Variants in EFL1 observed in about 807,000 individuals in gnomAD.
EFL1 encodes elongation factor-like GTPase 1.
A neutral mutation model predicts 126.7 loss-of-function variants in EFL1; 76 were observed. The observed-to-expected ratio is 0.60, with a 90% CI of 0.50 to 0.73. The LOEUF is 0.73. EFL1 is among the 30% of genes least tolerant of loss of function. The pLI is 0.00. For synonymous variants in EFL1, 410 were observed against 448.4 expected, an observed-to-expected ratio of 0.91 and a Z score of 1.08; for missense variants, 1,128 against 1,343.2, an observed-to-expected ratio of 0.84 and a Z score of 2.50.
At position 82,239,217 on chromosome 15, in the gene EFL1, C is replaced by T. The variant is rs543438679; in HGVS notation, c.517-696G>A. Reference sequence around the variant, plus strand: ...AGTGGCGTGATCTTGGCTCACCACACGCTCTGCCTCCCGGGTTCACACCAT... The same window carrying T: ...AGTGGCGTGATCTTGGCTCACCACATGCTCTGCCTCCCGGGTTCACACCAT... On this transcript the variant is annotated intron_variant, in intron 6 of 19. Coordinates refer to ENST00000268206, the MANE Select transcript of EFL1 (RefSeq NM_024580.6). 4.3e-3 allele frequency among the ~76,000 whole-genome samples: 651 copies of T among 152,172 alleles called. 4 individuals are homozygous for T. The highest frequency in any genetic ancestry group is 6.8e-3 in the Middle Eastern group (2 of 294).
At chr15:82,237,058 G>T (rs564023359) in intron 7 of EFL1, among the ~76,000 whole-genome samples, 1 of 152,136 alleles carries the variant, frequency 6.6e-6, no homozygotes, top group Admixed American at 6.5e-5. Flanking sequence ...CAGGAGAATC[G>T]CTTGAACCTG....
intron 17 of EFL1, among the ~76,000 whole-genome samples, chr15:82,154,694 C>T (rs2141231986): frequency 6.6e-6 from 1 of 152,180 alleles, no homozygotes; most frequent in African/African-American, 2.4e-5. Context: ...ATTGTAATAG[C>T]CTCCATTTTT....
chr15:82,226,559 G>A (rs1595995086), intron 11 of EFL1, among the ~76,000 whole-genome samples: 1 of 152,170 alleles, frequency 6.6e-6, no homozygotes, highest in Non-Finnish European at 1.5e-5. Flanking sequence ...GAATGACTAG[G>A]TGAGCAGGCT....
intron 15 of EFL1, among the ~76,000 whole-genome samples, chr15:82,206,173 T>G (rs543959069): frequency 1.3e-5 from 2 of 152,202 alleles, no homozygotes; most frequent in East Asian, 3.9e-4. Flanking sequence ...CAAATTATAC[T>G]AAGATTCAGA....
chr15:82,196,664 T>C (rs1488616862), intron 15 of EFL1, among the ~76,000 whole-genome samples: 1 of 152,234 alleles, frequency 6.6e-6, no homozygotes, highest in African/African-American at 2.4e-5. Flanking sequence ...ACTGACTCAG[T>C]GAACACCTGG....
chr15:82,151,915 C>T lies in EFL1; in HGVS notation c.2539G>A (p.Val847Ile). 1.2e-6 allele frequency: 2 copies of T among 1,614,114 alleles called. No homozygotes were observed. The highest frequency in any genetic ancestry group is 2.2e-5 in the East Asian group (1 of 44,858). ...VNKSEDFQNS[V>I]WTGPADKASK... ...GCTTTGTCAGCTGGACCTGTCCATACTGAGTTCTGAAAATCTTCACTTTTA... is the reference window on the plus strand; with the variant it reads ...GCTTTGTCAGCTGGACCTGTCCATATTGAGTTCTGAAAATCTTCACTTTTA... Residue 847 changes from valine (V) to isoleucine (I), a missense_variant, in exon 18 of 20, where the codon GTA (valine) becomes ATA (isoleucine). Physicochemically the swap from Val to Ile is conservative, Grantham distance 29. Transcript: ENST00000268206.
intron 15 of EFL1, among the ~76,000 whole-genome samples, chr15:82,203,501 A>G (rs1204009185): frequency 6.6e-6 from 1 of 152,040 alleles, no homozygotes; most frequent in Non-Finnish European, 1.5e-5. Context: ...CAGCCTCCGG[A>G]GTAGGTGGGA....
chr15:82,165,943 G>T (rs1239911561), intron 15 of EFL1, among the ~76,000 whole-genome samples: 1 of 151,956 alleles, frequency 6.6e-6, no homozygotes, highest in Non-Finnish European at 1.5e-5. Flanking sequence ...TCTTATTATT[G>T]TACCTCTTAG....
At chr15:82,245,727 G>A (rs1307444398) in intron 4 of EFL1, among the ~76,000 whole-genome samples, 1 of 151,836 alleles carries the variant, frequency 6.6e-6, no homozygotes, top group Non-Finnish European at 1.5e-5. Flanking sequence ...GATCACTTGA[G>A]CCAAGACCAG....
intron 12 of EFL1, 52 bp from the exon 13 acceptor site, chr15:82,220,281 A>G: frequency 6.6e-7 from 1 of 1,522,608 alleles, no homozygotes; most frequent in South Asian, 1.3e-5. Flanking sequence ...CAAGTAGGGA[A>G]ACAGCAAGCA....
chr15:82,209,548 C>T (rs1045827644), intron 15 of EFL1, among the ~76,000 whole-genome samples: 5 of 152,150 alleles, frequency 3.3e-5, no homozygotes, highest in African/African-American at 7.2e-5. Context: ...TATGAAAAGG[C>T]TAAAGATTTG....
At chr15:82,213,672 G>A (rs1397998827) in intron 15 of EFL1, among the ~76,000 whole-genome samples, 2 of 152,164 alleles carry the variant, frequency 1.3e-5, no homozygotes, top group South Asian at 2.1e-4. Flanking sequence ...GAGCAATACA[G>A]TAATCTCAAG....
chr15:82,242,164 A>G (rs1003863076), intron 4 of EFL1, among the ~76,000 whole-genome samples: 1 of 152,220 alleles, frequency 6.6e-6, no homozygotes, highest in Non-Finnish European at 1.5e-5. Flanking sequence ...GCAGAAAATT[A>G]GTTAATACTT....
intron 18 of EFL1, among the ~76,000 whole-genome samples, chr15:82,142,471 C>T (rs1030475081): frequency 1.3e-5 from 2 of 152,088 alleles, no homozygotes; most frequent in Non-Finnish European, 2.9e-5. Context: ...GCCTGGGTGA[C>T]TGGGCAGGAC....
In EFL1 at chr15:82,149,981, G is replaced by A. The variant is rs146606345; in HGVS notation, c.2989+1484C>T. Among the ~76,000 whole-genome samples the A allele has an allele frequency of 1.3e-4, 20 of 152,226 alleles. No individual in the cohort carries two copies. In the East Asian group the frequency reaches 2.9e-3, roughly 22 times the overall value. On this transcript the variant is annotated intron_variant, in intron 18 of 19. Transcript: ENST00000268206. The stretch of plus-strand genomic sequence containing the variant: ...AGATTTGATTTTAACTCTTACTTCC[G>A]CCTTAAGAAAGTTCTCAATGAAAAT...
At chr15:82,203,332 T>C (rs1027837311) in intron 15 of EFL1, among the ~76,000 whole-genome samples, 1 of 152,226 alleles carries the variant, frequency 6.6e-6, no homozygotes, top group African/African-American at 2.4e-5. Flanking sequence ...ATTGCATATA[T>C]ATCTGTTCTT....
At chr15:82,172,183 C>G (rs1458753654) in intron 15 of EFL1, among the ~76,000 whole-genome samples, 3 of 152,074 alleles carry the variant, frequency 2.0e-5, no homozygotes, top group Admixed American at 6.5e-5. Flanking sequence ...AAACCACGTG[C>G]TGGCAGTTAT....
At chr15:82,229,613 C>A (rs1424809554) in intron 8 of EFL1, among the ~76,000 whole-genome samples, 1 of 152,032 alleles carries the variant, frequency 6.6e-6, no homozygotes, top group Non-Finnish European at 1.5e-5. Flanking sequence ...CTCTTCCATA[C>A]ACGAGATGGG....
chr15:82,204,258 C>T (rs1197845801), intron 15 of EFL1, among the ~76,000 whole-genome samples: 3 of 152,180 alleles, frequency 2.0e-5, no homozygotes, highest in Middle Eastern at 3.4e-3. Context: ...CTGGAAAGAC[C>T]GAAAGACCTG....
Sources: allele counts gnomAD v4.1 joint callset (sites outside exome capture counted in the v4.1 genomes callset), GRCh38; gene constraint gnomAD v4.1.1; transcripts MANE v1.5; gene names NCBI Gene and HGNC (gene_info 2026-07-23, HGNC 2026-07-21).